CYP4A11: variants seen among roughly 807,000 people sequenced by gnomAD.
The protein encoded by CYP4A11 is cytochrome P450 family 4 subfamily A member 11, also known as cytochrome P450 4A11.
Under a neutral mutation model 57.7 loss-of-function variants are expected in CYP4A11, and 52 were observed. The ratio of observed to expected loss-of-function variants is 0.90; its 90% CI spans 0.72 to 1.14. The LOEUF is 1.14. Ranked by LOEUF, CYP4A11 falls within the 50% of genes most tolerant of loss-of-function variation. The pLI is 0.00. For missense variants in CYP4A11, 641 were observed against 642.1 expected (o/e 1.00, Z 0.02); for synonymous variants, 228 against 247.1 (o/e 0.92, Z 0.72).
At chr1:46,932,942 T>C (rs1414646497) in intron 10 of CYP4A11, 41 bp downstream of exon 10, 2 of 1,614,200 alleles carry the variant, frequency 1.2e-6, no homozygotes, top group Admixed American at 1.7e-5. Context: ...GGTATTGGTC[T>C]TGAGGGATCA....
chr1:46,933,290 AG>A (rs1681147530), intron 9 of CYP4A11, among the ~76,000 whole-genome samples: 2 of 152,238 alleles, frequency 1.3e-5, no homozygotes, highest in Admixed American at 6.5e-5. Flanking sequence ...ATTACTCTTT[AG>A]AGTAAGTCCA....
chr1:46,940,809 C>T (rs1237258733), intron 1 of CYP4A11: 1 of 985,278 alleles, frequency 1.0e-6, no homozygotes, highest in Non-Finnish European at 1.2e-6. Flanking sequence ...CCATAAACTC[C>T]TCATGGCATG....
chr1:46,940,991 C>A, intron 1 of CYP4A11: 1 of 985,316 alleles, frequency 1.0e-6, no homozygotes, highest in Non-Finnish European at 1.2e-6. Flanking sequence ...TGCAGGACTG[C>A]CAAGACACAC....
intron 1 of CYP4A11, chr1:46,940,811 C>T (rs1239137203): frequency 1.0e-6 from 1 of 985,426 alleles, no homozygotes; most frequent in South Asian, 4.7e-5. Flanking sequence ...ATAAACTCCT[C>T]ATGGCATGGA....
intron 9 of CYP4A11, 146 bp downstream of exon 9, chr1:46,933,800 T>G (rs1354861184): frequency 7.4e-7 from 1 of 1,349,756 alleles, no homozygotes; most frequent in African/African-American, 1.5e-5. Context: ...TTCAAATTCT[T>G]TATCCCAAGT....
rs1294187643 is a variant in CYP4A11 at position 46,929,395 on chromosome 1, G to A, written c.*720C>T. Reference sequence around the variant, plus strand: ...AAGTCCGGCAGAGTCAAAGCAGTGAGAAAAGACAGTTTGAGAGAGAAAGTG... The same window carrying A: ...AAGTCCGGCAGAGTCAAAGCAGTGAAAAAAGACAGTTTGAGAGAGAAAGTG... On this transcript the variant is annotated 3_prime_UTR_variant, in exon 12 of 12. Transcript: ENST00000310638. The A allele has an allele frequency of 6.6e-6, 1 of 151,954 alleles. No individual in the cohort carries two copies. Among genetic ancestry groups the A allele is most frequent in the African/African-American group, 2.4e-5 (1 of 41,328 alleles). The allele number at this position is 151,954 out of a possible 1,614,324, so 9.4% of individuals were successfully genotyped here.
intron 11 of CYP4A11, chr1:46,932,473 G>C: frequency 7.8e-7 from 1 of 1,282,742 alleles, no homozygotes; most frequent in Non-Finnish European, 9.9e-7. Context: ...TATCCTTAAA[G>C]TGAGGAAAAT....
At chr1:46,930,883 G>C (rs1047047149) in intron 11 of CYP4A11, among the ~76,000 whole-genome samples, 1 of 152,036 alleles carries the variant, frequency 6.6e-6, no homozygotes, top group East Asian at 1.9e-4. Flanking sequence ...CCCAGGGTCC[G>C]GGCTCCTGTC....
In CYP4A11 at chr1:46,934,052, G is replaced by T. The variant is rs1681210736; in HGVS notation, c.1116C>A (p.Thr372=). 1.2e-6 allele frequency: 2 copies of T among 1,613,430 alleles called. No homozygotes were observed. The highest frequency in any genetic ancestry group is 3.3e-5 in the Admixed American group (2 of 59,904). Residue 372 remains threonine, a synonymous_variant, in exon 9 of 12, where the codon ACC becomes ACA. Transcript: ENST00000310638. ...TWNHLDQMPY[T]TMCIKEALRL... Reference sequence around the variant, plus strand: ...TCAGTGCCTCCTTAATGCACATGGTGGTGTAGGGCATCTGGTCCAGGTGGT... The same window carrying T: ...TCAGTGCCTCCTTAATGCACATGGTTGTGTAGGGCATCTGGTCCAGGTGGT...
intron 1 of CYP4A11, among the ~76,000 whole-genome samples, chr1:46,939,996 A>G (rs1305836593): frequency 2.6e-5 from 4 of 151,430 alleles, no homozygotes; most frequent in Admixed American, 1.3e-4. Flanking sequence ...TGCAACCCCT[A>G]TCTCTACTTA....
intron 11 of CYP4A11, chr1:46,931,652 A>G: frequency 1.5e-6 from 1 of 683,044 alleles, no homozygotes; most frequent in Non-Finnish European, 1.8e-6. Context: ...CATGATTTGC[A>G]GGCAATGTTT....
chr1:46,934,957 C>A (rs1681283700), intron 6 of CYP4A11, 43 bp downstream of exon 6: 3 of 1,599,526 alleles, frequency 1.9e-6, no homozygotes, highest in African/African-American at 1.3e-5. Flanking sequence ...AGTTCTTTCG[C>A]TGTGCCTGGG....
Position 46,930,261 on chromosome 1 carries a change from C to T in CYP4A11, c.1414G>A (p.Ala472Thr), listed in dbSNP as rs748622926. Residue 472 changes from alanine to threonine, a missense_variant, in exon 12 of 12, where the codon GCC becomes ACC. Physicochemically the swap from Ala to Thr is moderately conservative, Grantham distance 58. Transcript: ENST00000310638. ...AGCTCAAAGCGGAGCAGGGTCAGGG[C>T]CGTGGCCACCTTCAGCTCGTTCATG... ...FAMNELKVAT[A>T]LTLLRFELLP... 17 of 1,613,894 alleles carry T rather than the reference C, an allele frequency of 1.1e-5. No homozygotes were observed. Among genetic ancestry groups the T allele is most frequent in the Non-Finnish European group, 1.4e-5 (17 of 1,179,942 alleles).
intron 1 of CYP4A11, 129 bp from the exon 2 acceptor site, chr1:46,938,266 A>C (rs1681541909): frequency 7.5e-7 from 1 of 1,329,036 alleles, no homozygotes; most frequent in South Asian, 1.4e-5. Context: ...TGATGACCTG[A>C]GCTGTGATCC....
chr1:46,939,909 G>T lies in CYP4A11; in HGVS notation c.195+1330C>A, dbSNP rs9332985. On this transcript the variant is annotated intron_variant, in intron 1 of 11. Coordinates refer to ENST00000310638, the MANE Select transcript of CYP4A11 (RefSeq NM_000778.4). ...CAGTCCATATAGGGTTAGAACTTTG[G>T]CAGGTCCCCACATTTGTTCTGCTCT... Among the ~76,000 whole-genome samples, 255 of 142,670 alleles carry T rather than the reference G, an allele frequency of 1.8e-3. 29 individuals carry two copies. The highest frequency in any genetic ancestry group is 6.4e-3 in the African/African-American group (242 of 37,644). 93.6% of individuals were successfully genotyped at this position (142,670 alleles called of 152,430 possible). A position where few individuals can be genotyped will look rare whatever the true frequency, so the allele number is the denominator to read the frequency against.
In CYP4A11 at chr1:46,935,091, C is replaced by T; in HGVS notation, c.699G>A (p.Arg233=). 1 of 1,614,170 alleles carries T rather than the reference C, an allele frequency of 6.2e-7. No homozygotes were observed. The highest frequency in any genetic ancestry group is 8.5e-7 in the Non-Finnish European group (1 of 1,180,036). Residue 233 remains arginine (R), a synonymous_variant, in exon 6 of 12, where the codon AGG becomes AGA. Transcript: ENST00000310638. ...DLNNLVFSRV[R]NAFHQNDTIY... is the part of the protein sequence containing the mutation. ...TGGTGTCATTCTGGTGAAAGGCATT[C>T]CTCACACGGGAAAAAACCAGGTTGT...
chr1:46,936,393 GA>G (rs201588614), intron 4 of CYP4A11, among the ~76,000 whole-genome samples: 1 of 152,222 alleles, frequency 6.6e-6, no homozygotes, highest in Admixed American at 6.5e-5. Context: ...CCCTTGTGCT[GA>G]AGGTTCCAAA....
chr1:46,930,991 T>C (rs1021788597), intron 11 of CYP4A11, among the ~76,000 whole-genome samples: 1 of 152,138 alleles, frequency 6.6e-6, no homozygotes, highest in African/African-American at 2.4e-5. Flanking sequence ...CTGGACTTTA[T>C]GGTTTTCTGC....
rs181463379 is a variant in CYP4A11 at position 46,936,425 on chromosome 1, C to T, written c.510+239G>A. ...CCAAAGTGGGAGGAGAAGGGCCTTG[C>T]ATTCACCATGAATCTCTATTCCTAT... On this transcript the variant is annotated intron_variant, in intron 4 of 11. Transcript: ENST00000310638. Among the ~76,000 whole-genome samples, 32 of 152,368 alleles carry T rather than the reference C, an allele frequency of 2.1e-4. No homozygotes were observed. In the South Asian group the frequency reaches 2.5e-3, roughly 12 times the overall value.
Sources: allele counts gnomAD v4.1 joint callset (sites outside exome capture counted in the v4.1 genomes callset), GRCh38; gene constraint gnomAD v4.1.1; transcripts MANE v1.5; gene names NCBI Gene and HGNC (gene_info 2026-07-23, HGNC 2026-07-21).